Variants in FBN1 observed in about 807,000 individuals in gnomAD.
FBN1 encodes fibrillin 1.
Under a neutral mutation model 365.1 loss-of-function variants are expected in FBN1, and 29 were observed. The observed-to-expected ratio is 0.08, with a 90% CI of 0.06 to 0.11. The LOEUF is 0.11. Among genes scored for constraint, FBN1 ranks in the 10% least tolerant of loss-of-function variants. The pLI is 1.00. For synonymous variants in FBN1, 1,210 were observed against 1,270.5 expected (o/e 0.95, Z 1.01); for missense variants, 2,476 against 3,703.2 (o/e 0.67, Z 8.60).
chr15:48,496,261 C>T, intron 19 of FBN1, 36 bp from the exon 20 acceptor site: 2 of 1,612,898 alleles, frequency 1.2e-6, no homozygotes, highest in South Asian at 1.1e-5. Flanking sequence ...TTAAAAAGGG[C>T]CCAAACTTTG....
At chr15:48,530,231 G>C (rs1272922993) in intron 8 of FBN1, among the ~76,000 whole-genome samples, 3 of 135,436 alleles carry the variant, frequency 2.2e-5, no homozygotes. Context: ...TGCTGCATCC[G>C]CCGCCTGATC....
intron 2 of FBN1, among the ~76,000 whole-genome samples, chr15:48,620,624 G>A (rs933280777): frequency 6.6e-6 from 1 of 151,944 alleles, no homozygotes; most frequent in African/African-American, 2.4e-5. Context: ...TTTCACTTAT[G>A]TTATTGTATA....
intron 2 of FBN1, among the ~76,000 whole-genome samples, chr15:48,618,967 C>A (rs191510367): frequency 6.6e-6 from 1 of 152,268 alleles, no homozygotes; most frequent in East Asian, 1.9e-4. Flanking sequence ...CCCACTGATT[C>A]TACATTACGG....
At chr15:48,434,471 A>G (rs1425277931) in intron 54 of FBN1, 123 bp downstream of exon 54, 3 of 1,218,150 alleles carry the variant, frequency 2.5e-6, no homozygotes, top group Non-Finnish European at 3.6e-6. Context: ...CAAATGGCCC[A>G]TCAGGCCTAG....
At chr15:48,568,079 A>G (rs1313302582) in intron 6 of FBN1, among the ~76,000 whole-genome samples, 4 of 149,802 alleles carry the variant, frequency 2.7e-5, no homozygotes, top group South Asian at 2.1e-4. Flanking sequence ...AAAGAAAGAA[A>G]GAAAGACTAT....
Position 48,428,361 on chromosome 15 carries a change from G to A in FBN1, c.6982C>T (p.Gln2328Ter), listed in dbSNP as rs371097218. 6.2e-7 allele frequency: 1 copy of A among 1,614,106 alleles called. No individual in the cohort carries two copies. The highest frequency in any genetic ancestry group is 1.1e-5 in the South Asian group (1 of 91,066). Residue 2328 changes from glutamine (Q) to a stop codon, truncating the protein, a stop_gained, in exon 57 of 66, where the codon CAG (glutamine) becomes TAG (stop). Transcript: ENST00000316623. LOFTEE classifies it high-confidence loss of function. The part of the protein sequence containing the change: ...CNDGFTASPN[Q>*]DECLDNREGY... ...CTGTACTCACCAAGGCACTCGTCCTGGTTGGGGCTGGCGGTAAACCCATCA... is the reference window on the plus strand; with the variant it reads ...CTGTACTCACCAAGGCACTCGTCCTAGTTGGGGCTGGCGGTAAACCCATCA...
At chr15:48,461,858 C>T (rs957642248) in intron 42 of FBN1, among the ~76,000 whole-genome samples, 1 of 152,282 alleles carries the variant, frequency 6.6e-6, no homozygotes, top group South Asian at 2.1e-4. Flanking sequence ...GTTCATGTAA[C>T]TTTCATATTA....
chr15:48,526,287 G>T (rs1225462450), intron 8 of FBN1, 32 bp from the exon 9 acceptor site: 1 of 1,612,430 alleles, frequency 6.2e-7, no homozygotes, highest in African/African-American at 1.3e-5. Flanking sequence ...CTCAGCATTT[G>T]TAGAACACAA....
At chr15:48,429,556 G>C in intron 56 of FBN1, among the ~76,000 whole-genome samples, 1 of 152,162 alleles carries the variant, frequency 6.6e-6, no homozygotes, top group East Asian at 1.9e-4. Flanking sequence ...GGTGAATCCA[G>C]AACAGTGTTA....
At chr15:48,533,160 G>A (rs1183025222) in intron 8 of FBN1, among the ~76,000 whole-genome samples, 4 of 152,176 alleles carry the variant, frequency 2.6e-5, no homozygotes, top group Non-Finnish European at 5.9e-5. Context: ...TTAGAGTCTA[G>A]GGGCATAAAT....
chr15:48,476,027 A>T (rs1275758721), intron 32 of FBN1, among the ~76,000 whole-genome samples: 2 of 152,216 alleles, frequency 1.3e-5, no homozygotes, highest in Admixed American at 6.5e-5. Context: ...GCAGGTCAAG[A>T]GAGACACATA....
intron 6 of FBN1, among the ~76,000 whole-genome samples, chr15:48,566,357 G>A (rs2044258730): frequency 6.6e-6 from 1 of 152,156 alleles, no homozygotes; most frequent in Non-Finnish European, 1.5e-5. Context: ...GTGTCAACTT[G>A]AATTTCATAA....
chr15:48,495,082 C>CA (rs1457895334), intron 22 of FBN1, 41 bp downstream of exon 22: 11 of 1,613,096 alleles, frequency 6.8e-6, no homozygotes, highest in Admixed American at 1.7e-5. Flanking sequence ...ATGCAAAGAC[C>CA]ATTGGAGTGG....
Position 48,515,456 on chromosome 15 carries a change from G to T in FBN1, c.1399C>A (p.Pro467Thr). Residue 467 changes from proline (P) to threonine (T), a missense_variant, in exon 12 of 66, where the codon CCA (proline) becomes ACA (threonine). Around this residue, in one of 5 missense-constraint regions of FBN1, gnomAD observed 421 missense variants for 520.1 expected, o/e 0.81. Transcript: ENST00000316623. ...RYLCQNGRCI[P>T]TPGSYRCECN... The stretch of plus-strand genomic sequence containing the variant: ...TCACACCGGTAACTCCCAGGAGTTG[G>T]AATGCAGCGTCCATTTTGACAGAGA... 6.2e-7 allele frequency: 1 copy of T among 1,614,052 alleles called. No individual in the cohort carries two copies. Among genetic ancestry groups the T allele is most frequent in the South Asian group, 1.1e-5 (1 of 91,076 alleles).
rs141747347 is a variant in FBN1, at chr15:48,450,864, G to GAA, written c.5545+1696_5545+1697dup. 2.9e-3 allele frequency among the ~76,000 whole-genome samples: 425 copies of GAA among 148,428 alleles called. 2 individuals are homozygous for GAA. Among genetic ancestry groups the GAA allele is most frequent in the African/African-American group, 9.0e-3 (368 of 40,704 alleles). On this transcript the variant is annotated intron_variant, in intron 45 of 65. Coordinates refer to ENST00000316623, the MANE Select transcript of FBN1 (RefSeq NM_000138.5). ...CAAAGGAGTACTTTGCAGCATGCCTGAAAAAAAAAATGCCAAGTATAGAAT... is the reference window on the plus strand; with the variant it reads ...CAAAGGAGTACTTTGCAGCATGCCTGAAAAAAAAAAAATGCCAAGTATAGAAT...
intron 2 of FBN1, among the ~76,000 whole-genome samples, chr15:48,639,666 A>G (rs996947924): frequency 6.6e-6 from 1 of 152,190 alleles, no homozygotes; most frequent in East Asian, 1.9e-4. Flanking sequence ...TAATGAGAAA[A>G]TCGACTTGAA....
intron 12 of FBN1, among the ~76,000 whole-genome samples, chr15:48,514,054 C>T (rs2043782403): frequency 6.6e-6 from 1 of 152,138 alleles, no homozygotes; most frequent in South Asian, 2.1e-4. Flanking sequence ...GAAGGTCTAA[C>T]CATATCCAAG....
Position 48,427,768 on chromosome 15 carries a change from G to T in FBN1, c.7003C>A (p.Arg2335=). The T allele has an allele frequency of 6.2e-7, 1 of 1,613,678 alleles. No individual in the cohort carries two copies. Among genetic ancestry groups the T allele is most frequent in the Non-Finnish European group, 8.5e-7 (1 of 1,179,764 alleles). Residue 2335 remains arginine, a synonymous_variant, in exon 58 of 66, where the codon CGG becomes AGG. Coordinates refer to ENST00000316623, the MANE Select transcript of FBN1 (RefSeq NM_000138.5). The part of the protein sequence containing the change: ...SPNQDECLDN[R]EGYCFTEVLQ... ...ACCTCTGTGAAGCAGTACCCTTCCC[G>T]ATTGTCTGGAAGGGACATTATATGG...
chr15:48,410,916 C>A lies in FBN1; in HGVS notation c.*74G>T. The A allele has an allele frequency of 2.2e-6, 3 of 1,362,268 alleles. No individual in the cohort carries two copies. Among genetic ancestry groups the A allele is most frequent in the Non-Finnish European group, 3.1e-6 (3 of 973,410 alleles). 84.4% of individuals were successfully genotyped at this position (1,362,268 alleles called of 1,614,324 possible). A position where few individuals can be genotyped will look rare whatever the true frequency, so the allele number is the denominator to read the frequency against. Reference sequence around the variant, plus strand: ...AGATTGTACCTATGATATGATGATTCTGATTGGGGGAAAATATAGTTCTAC... The same window carrying A: ...AGATTGTACCTATGATATGATGATTATGATTGGGGGAAAATATAGTTCTAC... On this transcript the variant is annotated 3_prime_UTR_variant, in exon 66 of 66. Coordinates refer to ENST00000316623, the MANE Select transcript of FBN1 (RefSeq NM_000138.5).
Sources: allele counts gnomAD v4.1 joint callset (sites outside exome capture counted in the v4.1 genomes callset), GRCh38; gene constraint gnomAD v4.1.1; regional missense constraint gnomAD v4.1.1; transcripts MANE v1.5; gene names NCBI Gene and HGNC (gene_info 2026-07-23, HGNC 2026-07-21).